The following PCDHGB3 variants were observed in gnomAD, a reference collection of about 807,000 sequenced individuals.
The protein encoded by PCDHGB3 is protocadherin gamma-B3.
PCDHGB3 carries 40 observed loss-of-function variants against 59.2 expected under a neutral mutation model. The observed-to-expected ratio is 0.68, with a 90% CI of 0.52 to 0.88. The LOEUF is 0.88. PCDHGB3 is among the 40% of genes least tolerant of loss of function. PCDHGB3 has a pLI of 0.00. For synonymous variants in PCDHGB3, 581 were observed against 503.6 expected (o/e 1.15, Z -2.06); for missense variants, 1,309 against 1,187.9 (o/e 1.10, Z -1.50).
At position 141,478,876 on chromosome 5, in the gene PCDHGB3, C is replaced by A. The variant is rs2099482470; in HGVS notation, c.2416-15931C>A. 30 of 1,265,748 alleles carry A rather than the reference C, an allele frequency of 2.4e-5. No individual in the cohort carries two copies. The South Asian group carries it at 4.7e-4, about 20-fold the overall frequency. 78.4% of individuals were successfully genotyped at this position (1,265,748 alleles called of 1,614,324 possible). On this transcript the variant is annotated intron_variant, in intron 1 of 3. Transcript: ENST00000576222. ...CAAGATCTCAGCGATCAGAGTTTAGCTTGGTATCATTTACATTAGGAATAA... is the reference window on the plus strand; with the variant it reads ...CAAGATCTCAGCGATCAGAGTTTAGATTGGTATCATTTACATTAGGAATAA...
chr5:141,395,114 C>T (rs2093175908), intron 1 of PCDHGB3: 2 of 1,614,070 alleles, frequency 1.2e-6, no homozygotes, highest in African/African-American at 1.3e-5. Context: ...GGAAGAGTCA[C>T]CTGATCTTTC....
intron 1 of PCDHGB3, chr5:141,415,452 C>G (rs2095870569): frequency 1.9e-6 from 3 of 1,614,122 alleles, no homozygotes; most frequent in Admixed American, 1.7e-5. Context: ...CCTATTCCCA[C>G]GAGGTCTCTC....
rs759272109 is a variant in PCDHGB3, at chr5:141,420,170, G to A, written c.2415+47361G>A. ...TCCAGAATTTAATTTTTTCACATCTGTTGATCATTGTCCAGCCACACAAGA... is the reference window on the plus strand; with the variant it reads ...TCCAGAATTTAATTTTTTCACATCTATTGATCATTGTCCAGCCACACAAGA... On this transcript the variant is annotated intron_variant, in intron 1 of 3. Coordinates refer to ENST00000576222, the MANE Select transcript of PCDHGB3 (RefSeq NM_018924.5). 22 of 1,613,846 alleles carry A rather than the reference G, an allele frequency of 1.4e-5. No homozygotes were observed. Among genetic ancestry groups the A allele is most frequent in the Non-Finnish European group, 1.8e-5 (21 of 1,179,888 alleles).
chr5:141,392,801 C>A, intron 1 of PCDHGB3: 1 of 1,570,660 alleles, frequency 6.4e-7, no homozygotes, highest in Admixed American at 1.9e-5. Flanking sequence ...GAGGATTCTG[C>A]AGCAAAACAA....
intron 1 of PCDHGB3, chr5:141,478,400 C>A (rs1295855090): frequency 6.2e-7 from 1 of 1,613,550 alleles, no homozygotes; most frequent in East Asian, 2.2e-5. Context: ...TCAGGTGTAT[C>A]TCACCACGGA....
intron 1 of PCDHGB3, among the ~76,000 whole-genome samples, chr5:141,397,520 TA>T (rs2093534630): frequency 6.6e-6 from 1 of 152,170 alleles, no homozygotes; most frequent in South Asian, 2.1e-4. Flanking sequence ...CCATAGCTAA[TA>T]AAAAATGAAT....
rs765972156 is a variant in PCDHGB3, at chr5:141,432,960, G to A, written c.2415+60151G>A. 3.1e-6 allele frequency: 5 copies of A among 1,614,070 alleles called. No individual in the cohort carries two copies. The East Asian group carries it at 6.7e-5, about 22-fold the overall frequency. On this transcript the variant is annotated intron_variant, in intron 1 of 3. Transcript: ENST00000576222. This position sits in a 1 kb window ranked among gnomAD's most constrained non-coding sequence, Gnocchi z 6.0. ...CAGGCTTCAGGAGGCGGCTTGACAG[G>A]AGCGCCGGCGTCGCACTTTGTGGGC...
At chr5:141,453,865 A>T (rs1048679358) in intron 1 of PCDHGB3, among the ~76,000 whole-genome samples, 2 of 152,234 alleles carry the variant, frequency 1.3e-5, no homozygotes, top group African/African-American at 4.8e-5. Flanking sequence ...AAAATAACAG[A>T]TGAGCAAAAT....
At chr5:141,407,240 C>T (rs1011878099) in intron 1 of PCDHGB3, among the ~76,000 whole-genome samples, 3 of 152,158 alleles carry the variant, frequency 2.0e-5, no homozygotes, top group African/African-American at 7.2e-5. Context: ...ATAAAGCATA[C>T]TTCAGGCTCA....
At chr5:141,418,829 C>T in intron 1 of PCDHGB3, 1 of 1,613,856 alleles carries the variant, frequency 6.2e-7, no homozygotes, top group Non-Finnish European at 8.5e-7. Flanking sequence ...AGCAAAAGAC[C>T]GAGGATCTCT....
intron 1 of PCDHGB3, 110 bp from the exon 2 acceptor site, chr5:141,494,697 T>C: frequency 6.3e-7 from 1 of 1,590,934 alleles, no homozygotes; most frequent in Non-Finnish European, 8.6e-7. Flanking sequence ...TAGTCCGTTT[T>C]CTTCTCTGTG....
In PCDHGB3 at chr5:141,409,025, G is replaced by T. The variant is rs202094928; in HGVS notation, c.2415+36216G>T. Reference sequence around the variant, plus strand: ...CACTGACCAGGATGAGGGGGTCAATGCTGAGATAAACTACTACTTCCGAAG... The same window carrying T: ...CACTGACCAGGATGAGGGGGTCAATTCTGAGATAAACTACTACTTCCGAAG... On this transcript the variant is annotated intron_variant, in intron 1 of 3. Coordinates refer to ENST00000576222, the MANE Select transcript of PCDHGB3 (RefSeq NM_018924.5). 2.9e-3 allele frequency: 4,667 copies of T among 1,614,008 alleles called. 11 individuals are homozygous for T. The highest frequency in any genetic ancestry group is 3.6e-3 in the Non-Finnish European group (4,254 of 1,179,906).
chr5:141,415,408 G>T, intron 1 of PCDHGB3: 1 of 1,614,224 alleles, frequency 6.2e-7, no homozygotes, highest in Non-Finnish European at 8.5e-7. Context: ...CTCGCACTTT[G>T]TGGGCGTGGA....
At position 141,491,686 on chromosome 5, in the gene PCDHGB3, C is replaced by CG; in HGVS notation, c.2416-3118dup. 1 of 1,612,970 alleles carries CG rather than the reference C, an allele frequency of 6.2e-7. No individual in the cohort carries two copies. The highest frequency in any genetic ancestry group is 2.2e-5 in the East Asian group (1 of 44,838). ...CATCCGGTCCCGCTCTAATACGCTG[C>CG]GGGAGCGGAGCCAGGTGAGGGGCTC... On this transcript the variant is annotated intron_variant, in intron 1 of 3. Transcript: ENST00000576222. The surrounding 1 kb of genome is among the most constrained non-coding windows in gnomAD (Gnocchi z 6.9).
intron 1 of PCDHGB3, among the ~76,000 whole-genome samples, chr5:141,481,555 C>T (rs1013876865): frequency 3.3e-5 from 5 of 152,164 alleles, no homozygotes; most frequent in South Asian, 2.1e-4. Flanking sequence ...CAGTGGCTCA[C>T]GCCTGTAATC....
In PCDHGB3 at chr5:141,432,143, C is replaced by G; in HGVS notation, c.2415+59334C>G. 2 of 1,614,084 alleles carry G rather than the reference C, an allele frequency of 1.2e-6. No homozygotes were observed. Among genetic ancestry groups the G allele is most frequent in the Non-Finnish European group, 1.7e-6 (2 of 1,180,006 alleles). Reference sequence around the variant, plus strand: ...TCAGGCCTCCTATTCCGCTTATATCCCAGAGAACAATCCCAGAGGAGTTTC... The same window carrying G: ...TCAGGCCTCCTATTCCGCTTATATCGCAGAGAACAATCCCAGAGGAGTTTC... On this transcript the variant is annotated intron_variant, in intron 1 of 3. Coordinates refer to ENST00000576222, the MANE Select transcript of PCDHGB3 (RefSeq NM_018924.5). This position sits in a 1 kb window ranked among gnomAD's most constrained non-coding sequence, Gnocchi z 6.0.
chr5:141,495,032 G>T, intron 2 of PCDHGB3, 167 bp downstream of exon 2: 1 of 967,732 alleles, frequency 1.0e-6, no homozygotes, highest in Non-Finnish European at 1.2e-6. Flanking sequence ...GACCCCGGAA[G>T]GAAGAGGCGA....
intron 1 of PCDHGB3, among the ~76,000 whole-genome samples, chr5:141,436,742 G>A (rs568532036): frequency 3.9e-4 from 59 of 152,304 alleles, no homozygotes; most frequent in Non-Finnish European, 7.1e-4. Flanking sequence ...ATTTTTGTGT[G>A]CTTCTCCATA....
intron 1 of PCDHGB3, chr5:141,393,324 C>T: frequency 6.2e-7 from 1 of 1,611,210 alleles, no homozygotes; most frequent in Admixed American, 1.7e-5. Context: ...CCAGAGCTAC[C>T]AGCTCAGCCC....
Sources: gnomAD v4.1 joint callset for allele counts (sites outside exome capture counted in the v4.1 genomes callset) on GRCh38, gnomAD v4.1.1 for gene constraint, Gnocchi (gnomAD v3.1) non-coding constraint, MANE v1.5 for transcripts, NCBI Gene and HGNC (gene_info 2026-07-23, HGNC 2026-07-21) for gene names.